ASAH1: variants seen among roughly 807,000 people sequenced by gnomAD.
ASAH1 encodes the protein acid ceramidase.
Under a neutral mutation model 59.5 loss-of-function variants are expected in ASAH1, and 70 were observed. The observed-to-expected ratio is 1.18, with a 90% CI of 0.97 to 1.43. The LOEUF is 1.43. Ranked by LOEUF, ASAH1 falls within the 40% of genes most tolerant of loss-of-function variation. The probability of loss-of-function intolerance (pLI) is 0.00; values close to 1 mark genes in which losing one functional copy is unlikely to be tolerated. For missense variants in ASAH1, 660 were observed against 482.5 expected (o/e 1.37, Z -3.45); for synonymous variants, 213 against 166.5 (o/e 1.28, Z -2.15).
At chr8:18,079,597 T>A (rs1278702439) in intron 1 of ASAH1, among the ~76,000 whole-genome samples, 1 of 152,204 alleles carries the variant, frequency 6.6e-6, no homozygotes, top group Non-Finnish European at 1.5e-5. Context: ...TAGTGAATTT[T>A]AAAAGTCCAG....
chr8:18,071,446 G>T, intron 2 of ASAH1, 56 bp from the exon 3 acceptor site: 2 of 1,117,856 alleles, frequency 1.8e-6, no homozygotes, highest in Non-Finnish European at 2.6e-6. Context: ...GTGAGGGTCA[G>T]TTAGATACAT....
upstream of ASAH1, chr8:18,084,851 CA>C (rs1800831715): frequency 1.2e-6 from 2 of 1,604,614 alleles, no homozygotes; most frequent in Non-Finnish European, 1.7e-6. Context: ...GTGGGCGGAG[CA>C]GAGCTCAGCT....
chr8:18,076,432 A>C (rs1411058444), intron 1 of ASAH1: 2 of 152,230 alleles, frequency 1.3e-5, no homozygotes, highest in African/African-American at 4.8e-5. Flanking sequence ...AGGAATGAAC[A>C]GACTCTTTTA....
chr8:18,075,712 A>G (rs1173834894), intron 1 of ASAH1, 125 bp from the exon 2 acceptor site: 2 of 813,240 alleles, frequency 2.5e-6, no homozygotes, highest in African/African-American at 3.4e-5. Flanking sequence ...ATACGTTTCA[A>G]TGCCTCTTAA....
At chr8:18,058,633 AC>A in intron 13 of ASAH1, 1 of 598,196 alleles carries the variant, frequency 1.7e-6, no homozygotes, top group South Asian at 2.0e-5. Flanking sequence ...CAATATTCTG[AC>A]CTATCAAGCC....
chr8:18,070,989 C>G (rs1404085473), intron 3 of ASAH1, among the ~76,000 whole-genome samples: 1 of 152,046 alleles, frequency 6.6e-6, no homozygotes, highest in Non-Finnish European at 1.5e-5. Context: ...GGGAGGATCA[C>G]TCGAGGTCAG....
intron 4 of ASAH1, 88 bp downstream of exon 4, chr8:18,069,704 C>A (rs151119606): frequency 1.6e-5 from 15 of 947,498 alleles, no homozygotes; most frequent in Non-Finnish European, 2.3e-5. Flanking sequence ...CAAGTCCCTG[C>A]GAAGAGGTTG....
At chr8:18,062,492 G>T in intron 7 of ASAH1, 69 bp from the exon 8 acceptor site, 1 of 1,549,462 alleles carries the variant, frequency 6.5e-7, no homozygotes, top group Non-Finnish European at 8.9e-7. Context: ...GATGATGAGG[G>T]CCAGGCATTA....
chr8:18,081,306 C>T (rs1041845724), intron 1 of ASAH1, among the ~76,000 whole-genome samples: 6 of 152,134 alleles, frequency 3.9e-5, no homozygotes, highest in Non-Finnish European at 8.8e-5. Flanking sequence ...TCACCCCTGG[C>T]GCCACCATCC....
At position 18,057,353 on chromosome 8, in the gene ASAH1, T is replaced by G. The variant is rs1799511594; in HGVS notation, c.*181A>C. 1 of 425,806 alleles carries G rather than the reference T, an allele frequency of 2.3e-6. No homozygotes were observed. Among genetic ancestry groups the G allele is most frequent in the African/African-American group, 2.1e-5 (1 of 46,954 alleles). The allele number at this position is 425,806 out of a possible 1,614,324, so 26.4% of individuals were successfully genotyped here. A position where few individuals can be genotyped will look rare whatever the true frequency, so the allele number is the denominator to read the frequency against. On this transcript the variant is annotated 3_prime_UTR_variant, in exon 14 of 14. Transcript: ENST00000637790. ...TTATCTGTAAATAAGAAAAATCAAC[T>G]GATAGGGGGAAAAAAAAAAGATCTG... is the stretch of plus-strand genomic sequence containing the variant.
chr8:18,082,351 T>C (rs1008413138), intron 1 of ASAH1, among the ~76,000 whole-genome samples: 13 of 152,100 alleles, frequency 8.5e-5, no homozygotes, highest in African/African-American at 3.1e-4. Context: ...CAGCTATCTC[T>C]CAATATTATT....
chr8:18,064,713 G>C (rs925864804), intron 5 of ASAH1, 182 bp from the exon 6 acceptor site: 20 of 563,992 alleles, frequency 3.5e-5, no homozygotes, highest in Non-Finnish European at 6.3e-5. Context: ...GACTCAAGAT[G>C]AAACAAGTCA....
At position 18,059,394 on chromosome 8, in the gene ASAH1, G is replaced by A. The variant is rs775925324; in HGVS notation, c.988C>T (p.Leu330Phe). Residue 330 changes from leucine to phenylalanine, a missense_variant, in exon 12 of 14, where the codon CTT becomes TTT. Transcript: ENST00000637790. ...TTTGCAGGCGTTCTGCGATCATCAA[G>A]GAAGAAGGGATGTTTCCAACGGTCA... ...NYDRWKHPFF[L>F]DDRRTPAKMC... is the part of the protein sequence containing the mutation. 9.9e-6 allele frequency: 16 copies of A among 1,614,032 alleles called. No homozygotes were observed. The highest frequency in any genetic ancestry group is 1.3e-5 in the Non-Finnish European group (15 of 1,180,028).
Position 18,083,990 on chromosome 8 carries a change from G to A in ASAH1, c.69C>T (p.His23=), listed in dbSNP as rs1412333581. ...GCTCAAGCTCACTCACCGGCGGCGCGTGCTGCGCGACGGCACAGCTGACGG... is the reference window on the plus strand; with the variant it reads ...GCTCAAGCTCACTCACCGGCGGCGCATGCTGCGCGACGGCACAGCTGACGG... ...AAAVSCAVAQ[H]APPWTEDCRK... is the part of the protein sequence containing the mutation. Residue 23 remains histidine (H), a synonymous_variant, in exon 1 of 14, where the codon CAC becomes CAT. Coordinates refer to ENST00000637790, the MANE Select transcript of ASAH1 (RefSeq NM_177924.5). 2 of 1,597,922 alleles carry A rather than the reference G, an allele frequency of 1.3e-6. No homozygotes were observed. The highest frequency in any genetic ancestry group is 1.7e-6 in the Non-Finnish European group (2 of 1,179,402).
In ASAH1 at chr8:18,069,864, C is replaced by G; in HGVS notation, c.231G>C (p.Val77=). The change falls in exon 4 of 14, where the codon GTG becomes GTC. Residue 77 remains valine, a synonymous_variant. Transcript: ENST00000637790. ...LDKAPVLKVI[V]NSLKNMINTF... ...TATTTATCATATTCTTCAGAGAATT[C>G]ACTATAACCTTTAGCTGAAAAATAA... The G allele has an allele frequency of 6.3e-7, 1 of 1,584,504 alleles. No individual in the cohort carries two copies. Among genetic ancestry groups the G allele is most frequent in the South Asian group, 1.1e-5 (1 of 90,418 alleles).
Position 18,059,552 on chromosome 8 carries a change from G to C in ASAH1, c.917+20C>G, listed in dbSNP as rs751913390. 4 of 1,613,936 alleles carry C rather than the reference G, an allele frequency of 2.5e-6. No individual in the cohort carries two copies. In the Admixed American group the frequency reaches 5.0e-5, roughly 20 times the overall value. ...GTATGCTTTTGTTTCTACTTCTTTTGCTTTAACAAACCTACTTACTCATAT... is the reference window on the plus strand; with the variant it reads ...GTATGCTTTTGTTTCTACTTCTTTTCCTTTAACAAACCTACTTACTCATAT... On this transcript the variant is annotated intron_variant, in intron 11 of 13. Transcript: ENST00000637790.
chr8:18,064,134 G>C, intron 6 of ASAH1: 1 of 501,550 alleles, frequency 2.0e-6, no homozygotes, highest in Non-Finnish European at 3.5e-6. Flanking sequence ...CGAAGATAAG[G>C]AAGCACCTCC....
At position 18,059,704 on chromosome 8, in the gene ASAH1, C is replaced by G; in HGVS notation, c.786-1G>C. ...CAATAAATTCTTGGCTTCTTCATAA[C>G]TATATAGAAACATTTAAAAAGAAAA... On this transcript the variant is annotated splice_acceptor_variant, in intron 10 of 13. Transcript: ENST00000637790. LOFTEE classifies it high-confidence loss of function. 1.2e-6 allele frequency: 2 copies of G among 1,612,368 alleles called. No homozygotes were observed. Among genetic ancestry groups the G allele is most frequent in the Non-Finnish European group, 8.5e-7 (1 of 1,179,242 alleles).
Position 18,084,100 on chromosome 8 carries a change from C to T in ASAH1, c.-42G>A, listed in dbSNP as rs776255984. 4.4e-6 allele frequency: 7 copies of T among 1,595,796 alleles called. No individual in the cohort carries two copies. The highest frequency in any genetic ancestry group is 3.3e-5 in the Admixed American group (2 of 59,838). ...GCCACTCCCCGGACTCCAGCAGAGGCAAAGAAGAGCCGGCTGGGCCGGGGG... is the reference window on the plus strand; with the variant it reads ...GCCACTCCCCGGACTCCAGCAGAGGTAAAGAAGAGCCGGCTGGGCCGGGGG... On this transcript the variant is annotated 5_prime_UTR_variant, in exon 1 of 14. Coordinates refer to ENST00000637790, the MANE Select transcript of ASAH1 (RefSeq NM_177924.5).
Sources: allele counts gnomAD v4.1 joint callset (sites outside exome capture counted in the v4.1 genomes callset), GRCh38; gene constraint gnomAD v4.1.1; transcripts MANE v1.5; gene names NCBI Gene and HGNC (gene_info 2026-07-23, HGNC 2026-07-21).